Variants in MAGI3 observed in about 807,000 individuals in gnomAD.
MAGI3 encodes the protein membrane-associated guanylate kinase, WW and PDZ domain-containing protein 3.
A neutral mutation model predicts 121.8 loss-of-function variants in MAGI3; 43 were observed. The ratio of observed to expected loss-of-function variants is 0.35; its 90% confidence interval spans 0.28 to 0.46. The LOEUF (loss-of-function observed/expected upper bound fraction) is 0.46. Among genes scored for constraint, MAGI3 ranks in the 20% least tolerant of loss-of-function variants. MAGI3 has a pLI of 1.00. For synonymous variants in MAGI3, 553 were observed against 639.3 expected (o/e 0.86, Z 2.04); for missense variants, 1,547 against 1,797.3 (o/e 0.86, Z 2.52).
chr1:113,440,844 T>G (rs1226506127), intron 1 of MAGI3, among the ~76,000 whole-genome samples: 3 of 152,208 alleles, frequency 2.0e-5, no homozygotes, highest in African/African-American at 7.2e-5. Context: ...TTAATCCATA[T>G]CACATAAAGA....
chr1:113,595,914 C>T, intron 6 of MAGI3, among the ~76,000 whole-genome samples: 1 of 151,936 alleles, frequency 6.6e-6, no homozygotes, highest in East Asian at 1.9e-4. Context: ...GCCTGTAGAC[C>T]CAGCTACTCA....
chr1:113,390,557 G>A lies in MAGI3; in HGVS notation c.-477G>A, dbSNP rs1650723059. 6.6e-6 allele frequency among the ~76,000 whole-genome samples: 1 copy of A among 152,066 alleles called. No homozygotes were observed. The highest frequency in any genetic ancestry group is 6.5e-5 in the Admixed American group (1 of 15,286). On this transcript the variant is annotated 5_prime_UTR_variant, in exon 1 of 21. Transcript: ENST00000307546. Reference sequence around the variant, plus strand: ...GGCAGGCGTTGGTCTCCGCGCTACAGCTCCGCAGCGGCCACGATCGATCCC... The same window carrying A: ...GGCAGGCGTTGGTCTCCGCGCTACAACTCCGCAGCGGCCACGATCGATCCC...
At chr1:113,519,193 A>G (rs1658066918) in intron 1 of MAGI3, among the ~76,000 whole-genome samples, 1 of 151,796 alleles carries the variant, frequency 6.6e-6, no homozygotes, top group Non-Finnish European at 1.5e-5. Context: ...GGGGTGGGGG[A>G]AGAGGGGTGG....
At position 113,653,859 on chromosome 1, in the gene MAGI3, G is replaced by T. The variant is rs2100987916; in HGVS notation, c.2470G>T (p.Ala824Ser). Reference protein sequence around the residue: ...EKQPEDDSSQAFISTQNGSPR... With the variant: ...EKQPEDDSSQSFISTQNGSPR... ...ACAACCCGAGGACGACAGCTCTCAG[G>T]CCTTCATTTCAACACAGAATGGATC... Residue 824 changes from alanine (A) to serine (S), a missense_variant, in exon 15 of 21, where the codon GCC becomes TCC. Transcript: ENST00000307546. 2 of 1,609,818 alleles carry T rather than the reference G, an allele frequency of 1.2e-6. No individual in the cohort carries two copies. Among genetic ancestry groups the T allele is most frequent in the Middle Eastern group, 3.3e-4 (2 of 6,032 alleles).
At chr1:113,561,660 C>G (rs1298400404) in intron 2 of MAGI3, among the ~76,000 whole-genome samples, 1 of 152,146 alleles carries the variant, frequency 6.6e-6, no homozygotes, top group Non-Finnish European at 1.5e-5. Context: ...CAATATCATA[C>G]CGAATGGGCA....
At chr1:113,554,823 C>A (rs536379524) in intron 2 of MAGI3, among the ~76,000 whole-genome samples, 1 of 151,890 alleles carries the variant, frequency 6.6e-6, no homozygotes, top group South Asian at 2.1e-4. Flanking sequence ...TTATAAAAAA[C>A]CATTGATAAA....
At chr1:113,638,636 C>G (rs543081875) in intron 9 of MAGI3, among the ~76,000 whole-genome samples, 11 of 152,278 alleles carry the variant, frequency 7.2e-5, no homozygotes, top group African/African-American at 2.6e-4. Flanking sequence ...GTCAGTCTGC[C>G]CCTACTGGGG....
rs1166441687 is a variant in MAGI3, at chr1:113,658,211, C to T, written c.2630-869C>T. On this transcript the variant is annotated intron_variant, in intron 15 of 20. Coordinates refer to ENST00000307546, the MANE Select transcript of MAGI3 (RefSeq NM_001142782.2). This position sits in a 1 kb window ranked among gnomAD's most constrained non-coding sequence, Gnocchi z 4.0. ...CCTAATACAAATGCTGCCTGTTGCA[C>T]GGTGGAAAATATTTTGTTTGACAAG... 2.0e-5 allele frequency among the ~76,000 whole-genome samples: 3 copies of T among 152,116 alleles called. No homozygotes were observed. The highest frequency in any genetic ancestry group is 4.1e-4 in the South Asian group (2 of 4,834).
intron 9 of MAGI3, among the ~76,000 whole-genome samples, chr1:113,640,925 T>TATCATATATAAA: frequency 8.6e-6 from 1 of 116,582 alleles, no homozygotes; most frequent in South Asian, 2.5e-4. Context: ...ATGATATATT[T>TATCATATATAAA]TATATATCAT....
At chr1:113,548,849 T>C (rs887360043) in intron 1 of MAGI3, among the ~76,000 whole-genome samples, 2 of 152,150 alleles carry the variant, frequency 1.3e-5, no homozygotes, top group Non-Finnish European at 2.9e-5. Flanking sequence ...TGGCTTAGAT[T>C]AGGGTGGTGG....
In MAGI3 at chr1:113,643,760, A is replaced by G. The variant is rs1202203333; in HGVS notation, c.1984A>G (p.Lys662Glu). ...TTTTTAAGGTCCTCCTTCACCAACC[A>G]AAACTGCCAAAATGGTGAGTATACA... ...ILRGGPPSPT[K>E]TAKMKTDKKE... The change falls in exon 11 of 21, where the codon AAA (lysine) becomes GAA (glutamate). Residue 662 changes from lysine (K) to glutamate (E), a missense_variant. Lys to Glu is a moderately conservative substitution (Grantham distance 56, BLOSUM62 1). Coordinates refer to ENST00000307546, the MANE Select transcript of MAGI3 (RefSeq NM_001142782.2). 1.1e-5 allele frequency: 18 copies of G among 1,613,882 alleles called. No homozygotes were observed. In the Admixed American group the frequency reaches 3.0e-4, roughly 27 times the overall value.
chr1:113,434,330 G>C (rs1374191016), intron 1 of MAGI3, among the ~76,000 whole-genome samples: 1 of 152,158 alleles, frequency 6.6e-6, no homozygotes. Flanking sequence ...AACACTTTGG[G>C]AGGCTGAGGT....
intron 1 of MAGI3, among the ~76,000 whole-genome samples, chr1:113,401,655 C>G (rs1350340028): frequency 6.6e-6 from 1 of 152,134 alleles, no homozygotes; most frequent in East Asian, 1.9e-4. Context: ...CTGTAATTCA[C>G]TCACCAGGAA....
At chr1:113,568,502 T>C (rs933902028) in intron 2 of MAGI3, among the ~76,000 whole-genome samples, 3 of 152,090 alleles carry the variant, frequency 2.0e-5, no homozygotes. Context: ...AGAATGTATA[T>C]GGACAGGCTT....
In MAGI3 at chr1:113,391,260, G is replaced by A. The variant is rs2101251357; in HGVS notation, c.227G>A (p.Gly76Glu). The change falls in exon 1 of 21, where the codon GGG (glycine) becomes GAG (glutamate). Residue 76 changes from glycine to glutamate, a missense_variant. Physicochemically the swap from Gly to Glu is moderately conservative, Grantham distance 98. Coordinates refer to ENST00000307546, the MANE Select transcript of MAGI3 (RefSeq NM_001142782.2). The surrounding 1 kb of genome is among the most constrained non-coding windows in gnomAD (Gnocchi z 4.4). ...GGCGATGTGCTGCTGGAGGTAAACG[G>A]GACGCCTGTCAGCGGGCTCACCAAC... ...SPGDVLLEVN[G>E]TPVSGLTNRD... The A allele has an allele frequency of 1.3e-6, 2 of 1,583,728 alleles. No homozygotes were observed. Among genetic ancestry groups the A allele is most frequent in the East Asian group, 2.3e-5 (1 of 42,686 alleles).
intron 1 of MAGI3, among the ~76,000 whole-genome samples, chr1:113,504,843 G>A (rs1425450586): frequency 6.6e-6 from 1 of 152,064 alleles, no homozygotes; most frequent in East Asian, 1.9e-4. Flanking sequence ...GTATATTGCG[G>A]CACAGATCAT....
intron 2 of MAGI3, among the ~76,000 whole-genome samples, chr1:113,563,325 A>G (rs1660314469): frequency 6.6e-6 from 1 of 152,174 alleles, no homozygotes; most frequent in African/African-American, 2.4e-5. Context: ...CTATAAATCT[A>G]CTTTTTTGCC....
intron 1 of MAGI3, chr1:113,449,964 G>C: frequency 6.4e-7 from 1 of 1,556,030 alleles, no homozygotes; most frequent in Non-Finnish European, 8.8e-7. Context: ...AAAGACAGCT[G>C]TTTCTAGAGA....
chr1:113,620,918 A>T (rs937556322), intron 8 of MAGI3, among the ~76,000 whole-genome samples: 8 of 152,200 alleles, frequency 5.3e-5, no homozygotes, highest in Non-Finnish European at 8.8e-5. Flanking sequence ...AAATTAACAG[A>T]TGTAAAGTGC....
Sources: allele counts gnomAD v4.1 joint callset (sites outside exome capture counted in the v4.1 genomes callset), GRCh38; gene constraint gnomAD v4.1.1; non-coding constraint Gnocchi (gnomAD v3.1); transcripts MANE v1.5; gene names NCBI Gene and HGNC (gene_info 2026-07-23, HGNC 2026-07-21).